Variants in TECR observed in about 807,000 individuals in gnomAD.
TECR encodes trans-2,3-enoyl-CoA reductase.
TECR carries 19 observed loss-of-function variants against 50.6 expected under a neutral mutation model. The ratio of observed to expected loss-of-function variants is 0.38; its 90% CI spans 0.26 to 0.55. TECR has a LOEUF of 0.55. Among genes scored for constraint, TECR ranks in the 20% least tolerant of loss-of-function variants. The probability of loss-of-function intolerance (pLI) is 0.79; values close to 1 mark genes in which losing one functional copy is unlikely to be tolerated. For missense variants in TECR, 313 were observed against 408.3 expected (o/e 0.77, Z 2.01); for synonymous variants, 168 against 163.5 (o/e 1.03, Z -0.21).
chr19:14,529,451 A>G (rs1023208419), upstream of TECR: 6 of 636,524 alleles, frequency 9.4e-6, no homozygotes, highest in Non-Finnish European at 1.7e-5. Context: ...TGGTCTCGCA[A>G]GTTGATTGGT....
At chr19:14,537,776 C>T (rs2072955004) in intron 1 of TECR, among the ~76,000 whole-genome samples, 2 of 142,784 alleles carry the variant, frequency 1.4e-5, no homozygotes, top group African/African-American at 5.2e-5. Flanking sequence ...GACGAAGTCT[C>T]GCTCTTGTCC....
intron 2 of TECR, among the ~76,000 whole-genome samples, chr19:14,562,882 GC>G (rs1333279431): frequency 6.6e-6 from 1 of 152,134 alleles, no homozygotes; most frequent in Non-Finnish European, 1.5e-5. Flanking sequence ...AGGACAGAGG[GC>G]CTTTGCTCCT....
chr19:14,533,623 T>A (rs187742092), intron 1 of TECR, among the ~76,000 whole-genome samples: 2 of 152,264 alleles, frequency 1.3e-5, no homozygotes, highest in African/African-American at 4.8e-5. Context: ...GGTTGAGGAC[T>A]GTTATCATGG....
chr19:14,545,837 GC>G (rs1300748889), intron 1 of TECR: 1 of 152,822 alleles, frequency 6.5e-6, no homozygotes, highest in Non-Finnish European at 1.5e-5. Context: ...GGGTTCCCTG[GC>G]TTCTTCCTGC....
chr19:14,529,480 C>A, upstream of TECR: 1 of 685,334 alleles, frequency 1.5e-6, no homozygotes, highest in Non-Finnish European at 2.7e-6. Context: ...TGGTGCTAGT[C>A]CTAGTCTTGG....
rs770226681 is a variant in TECR, at chr19:14,529,619, G to A, written c.-78G>A. On this transcript the variant is annotated 5_prime_UTR_variant, in exon 1 of 13. Transcript: ENST00000215567. ...GTTTAGTCTATCGCTGCGGTTGCGAGCGCTGTAGGGAGCCTGTGCTGTGCC... is the reference window on the plus strand; with the variant it reads ...GTTTAGTCTATCGCTGCGGTTGCGAACGCTGTAGGGAGCCTGTGCTGTGCC... 1.1e-5 allele frequency: 18 copies of A among 1,609,298 alleles called. No homozygotes were observed. In the South Asian group the frequency reaches 1.8e-4, roughly 16 times the overall value.
chr19:14,528,085 CGTT>C (rs1486433190), upstream of TECR, among the ~76,000 whole-genome samples: 2 of 151,228 alleles, frequency 1.3e-5, no homozygotes, highest in South Asian at 2.1e-4. Flanking sequence ...GGTTTCACCA[CGTT>C]GTCCAGGCTG....
In TECR at chr19:14,564,983, C is replaced by A. The variant is rs751616597; in HGVS notation, c.597C>A (p.Ala199=). 5.0e-6 allele frequency: 8 copies of A among 1,613,916 alleles called. No homozygotes were observed. In the Admixed American group the frequency reaches 1.3e-4, roughly 27 times the overall value. ...YGAQQVKLAL[A]IFVICQLGNF... is the part of the protein sequence containing the mutation. ...CTCAGCAGGTGAAACTGGCGCTCGC[C>A]ATCTTTGTGGTAAGGAGGCTGGGTG... The change falls in exon 9 of 13, where the codon GCC becomes GCA. Residue 199 remains alanine, a synonymous_variant. Transcript: ENST00000215567.
chr19:14,529,528 G>A, upstream of TECR: 2 of 885,112 alleles, frequency 2.3e-6, no homozygotes, highest in Non-Finnish European at 3.7e-6. Context: ...GAACGTGGGC[G>A]CCTCGTGCCC....
intron 1 of TECR, among the ~76,000 whole-genome samples, chr19:14,535,756 C>CAAAAAAAAA (rs1161257175): frequency 1.9e-5 from 1 of 51,942 alleles, no homozygotes; most frequent in Non-Finnish European, 3.3e-5. Flanking sequence ...GACTCTGTCT[C>CAAAAAAAAA]AAAAAAAAAA....
Position 14,563,329 on chromosome 19 carries a change from A to AT in TECR, c.118+73dup. ...GGGACCTTAGGGTGGGAGGGATCCC[A>AT]TCCTGCACCCCTCTCCCAGGGGCCT... On this transcript the variant is annotated intron_variant, in intron 3 of 12. Transcript: ENST00000215567. The surrounding 1 kb of genome is among the most constrained non-coding windows in gnomAD (Gnocchi z 5.3). 1 of 1,371,674 alleles carries AT rather than the reference A, an allele frequency of 7.3e-7. No homozygotes were observed. Among genetic ancestry groups the AT allele is most frequent in the African/African-American group, 1.8e-5 (1 of 55,802 alleles). The allele number at this position is 1,371,674 out of a possible 1,614,324, so 85.0% of individuals were successfully genotyped here.
At chr19:14,531,358 G>C (rs2072652282) in intron 1 of TECR, 1 of 152,000 alleles carries the variant, frequency 6.6e-6, no homozygotes, top group African/African-American at 2.4e-5. Context: ...TTGACAAGTT[G>C]AATATTACTA....
Position 14,529,635 on chromosome 19 carries a change from G to T in TECR, c.-62G>T, listed in dbSNP as rs776105806. 6.2e-7 allele frequency: 1 copy of T among 1,613,120 alleles called. No individual in the cohort carries two copies. Reference sequence around the variant, plus strand: ...CGGTTGCGAGCGCTGTAGGGAGCCTGTGCTGTGCCGCGCAGTTAGGCAGCA... The same window carrying T: ...CGGTTGCGAGCGCTGTAGGGAGCCTTTGCTGTGCCGCGCAGTTAGGCAGCA... On this transcript the variant is annotated 5_prime_UTR_variant, in exon 1 of 13. Coordinates refer to ENST00000215567, the MANE Select transcript of TECR (RefSeq NM_138501.6).
At chr19:14,544,572 G>T (rs1316892536) in intron 1 of TECR, among the ~76,000 whole-genome samples, 1 of 131,112 alleles carries the variant, frequency 7.6e-6, no homozygotes, top group East Asian at 2.1e-4. Flanking sequence ...GGTGATAGTA[G>T]CAGAGGGTTC....
At chr19:14,546,960 G>A (rs1391915741) in intron 1 of TECR, among the ~76,000 whole-genome samples, 2 of 152,140 alleles carry the variant, frequency 1.3e-5, no homozygotes, top group South Asian at 4.1e-4. Flanking sequence ...CTCCCAAAGT[G>A]CTGGGATTAC....
rs994766168 is a variant in TECR at position 14,563,503 on chromosome 19, G to A, written c.119-155G>A. On this transcript the variant is annotated intron_variant, in intron 3 of 12. Transcript: ENST00000215567. The surrounding 1 kb of genome is among the most constrained non-coding windows in gnomAD (Gnocchi z 5.3). ...CTCTTCTGGCTTGTGTCCTGAAACC[G>A]CACAAGCCTGAGGGTTTGCCCCCAG... The A allele has an allele frequency of 2.3e-5, 23 of 1,007,554 alleles. No individual in the cohort carries two copies. Among genetic ancestry groups the A allele is most frequent in the South Asian group, 8.2e-5 (6 of 73,546 alleles). The allele number at this position is 1,007,554 out of a possible 1,614,324, so 62.4% of individuals were successfully genotyped here. A position where few individuals can be genotyped will look rare whatever the true frequency, so the allele number is the denominator to read the frequency against.
At chr19:14,550,478 C>T (rs1416595681) in intron 1 of TECR, among the ~76,000 whole-genome samples, 3 of 152,116 alleles carry the variant, frequency 2.0e-5, no homozygotes, top group South Asian at 2.1e-4. Flanking sequence ...CTCTGGCCCC[C>T]TTCCAGCTTC....
intron 1 of TECR, among the ~76,000 whole-genome samples, chr19:14,540,167 C>T (rs2073049346): frequency 6.6e-6 from 1 of 151,832 alleles, no homozygotes; most frequent in South Asian, 2.1e-4. Context: ...TCACGCCATT[C>T]TCCTGCCTCA....
chr19:14,560,106 G>A (rs1006381439), intron 1 of TECR, among the ~76,000 whole-genome samples: 1 of 152,180 alleles, frequency 6.6e-6, no homozygotes, highest in African/African-American at 2.4e-5. Context: ...CTGTGAGCGT[G>A]GCCCCTCTCT....
Sources: gnomAD v4.1 joint callset for allele counts (sites outside exome capture counted in the v4.1 genomes callset) on GRCh38, gnomAD v4.1.1 for gene constraint, Gnocchi (gnomAD v3.1) non-coding constraint, MANE v1.5 for transcripts, NCBI Gene and HGNC (gene_info 2026-07-23, HGNC 2026-07-21) for gene names.